The following GON7 variants were observed in gnomAD, a reference collection of about 807,000 sequenced individuals.
The protein encoded by GON7 is EKC/KEOPS complex subunit GON7.
GON7 carries 2 observed loss-of-function variants against 7.6 expected under a neutral mutation model. That is an observed-to-expected ratio of 0.26 (90% CI 0.11 to 0.83). GON7 has a LOEUF of 0.83. Among genes scored for constraint, GON7 ranks in the 40% least tolerant of loss-of-function variants. The pLI is 0.65. For missense variants in GON7, 121 were observed against 132.2 expected, an observed-to-expected ratio of 0.92 and a Z score of 0.42; for synonymous variants, 54 against 56.6, an observed-to-expected ratio of 0.95 and a Z score of 0.20.
rs911929164 is a variant in GON7, at chr14:93,203,041, A to G, written c.*647T>C. 5 of 152,352 alleles carry G rather than the reference A, an allele frequency of 3.3e-5. No individual in the cohort carries two copies. Among genetic ancestry groups the G allele is most frequent in the South Asian group, 2.1e-4 (1 of 4,828 alleles). 9.4% of individuals were successfully genotyped at this position (152,352 alleles called of 1,614,324 possible). On this transcript the variant is annotated 3_prime_UTR_variant, in exon 2 of 2. Transcript: ENST00000306954. The stretch of plus-strand genomic sequence containing the variant: ...TTATATTTGTACCTGTATAAATACC[A>G]TATCACAGCACAAAAACATACCCCA...
chr14:93,206,329 T>G (rs906675529), intron 1 of GON7, among the ~76,000 whole-genome samples: 1 of 148,760 alleles, frequency 6.7e-6, no homozygotes, highest in Non-Finnish European at 1.5e-5. Context: ...TTAATAAGAG[T>G]GTCTGCCTGT....
intron 1 of GON7, among the ~76,000 whole-genome samples, chr14:93,204,074 C>T (rs1894297129): frequency 6.6e-6 from 1 of 152,122 alleles, no homozygotes; most frequent in African/African-American, 2.4e-5. Flanking sequence ...CAGCTTACTG[C>T]AACCTCCGCC....
chr14:93,205,790 T>C (rs984343317), intron 1 of GON7, among the ~76,000 whole-genome samples: 5 of 152,224 alleles, frequency 3.3e-5, no homozygotes, highest in Non-Finnish European at 4.4e-5. Context: ...AGGGAGTCTC[T>C]GGGAGTTAAT....
chr14:93,205,213 C>T (rs1894316211), intron 1 of GON7, among the ~76,000 whole-genome samples: 1 of 152,210 alleles, frequency 6.6e-6, no homozygotes, highest in Admixed American at 6.5e-5. Context: ...CTTCACATTC[C>T]AGCCAACACT....
Position 93,206,985 on chromosome 14 carries a change from C to G in GON7, c.53G>C (p.Arg18Pro). Residue 18 changes from arginine to proline, a missense_variant, in exon 1 of 2, where the codon CGG (arginine) becomes CCG (proline). Transcript: ENST00000306954. ...GTCACCCGGCGCCTCACAGGACACC[C>G]GCAGCTTCTGCGGCTTCCCTTCCTG... ...VGQEGKPQKL[R>P]VSCEAPGDGD... is the part of the protein sequence containing the mutation. 6.2e-7 allele frequency: 1 copy of G among 1,614,184 alleles called. No homozygotes were observed.
intron 1 of GON7, among the ~76,000 whole-genome samples, chr14:93,204,941 C>T (rs907004568): frequency 4.6e-5 from 7 of 152,116 alleles, no homozygotes; most frequent in African/African-American, 1.7e-4. Flanking sequence ...TTCACATGAT[C>T]CTCCCACCTC....
chr14:93,203,621 T>C lies in GON7; in HGVS notation c.*67A>G. The stretch of plus-strand genomic sequence containing the variant: ...TTTTTCCAAATTAGAGCATAAGTCT[T>C]CCTTAAATGTCCTAGTGTGACAATA... On this transcript the variant is annotated 3_prime_UTR_variant, in exon 2 of 2. Coordinates refer to ENST00000306954, the MANE Select transcript of GON7 (RefSeq NM_032490.5). The C allele has an allele frequency of 7.5e-7, 1 of 1,331,628 alleles. No homozygotes were observed. Among genetic ancestry groups the C allele is most frequent in the South Asian group, 1.3e-5 (1 of 79,670 alleles). 82.5% of individuals were successfully genotyped at this position (1,331,628 alleles called of 1,614,324 possible).
intron 1 of GON7, among the ~76,000 whole-genome samples, chr14:93,205,241 A>G (rs573158750): frequency 5.9e-5 from 9 of 152,278 alleles, no homozygotes; most frequent in African/African-American, 2.2e-4. Context: ...GTTCTTTTTG[A>G]TTATAGCCAA....
chr14:93,207,039 G>A lies in GON7; in HGVS notation c.-2C>T, dbSNP rs774431032. 6.2e-6 allele frequency: 10 copies of A among 1,612,796 alleles called. No individual in the cohort carries two copies. The Middle Eastern group carries it at 7.7e-4, about 124-fold the overall frequency. ...GACGTACTCTCCCAGCAGCTCCATGGTGACCGCTAAGCTTCCAGAACACGA... is the reference window on the plus strand; with the variant it reads ...GACGTACTCTCCCAGCAGCTCCATGATGACCGCTAAGCTTCCAGAACACGA... On this transcript the variant is annotated 5_prime_UTR_variant, in exon 1 of 2. Transcript: ENST00000306954.
chr14:93,206,604 TG>T (rs1223576042), intron 1 of GON7, among the ~76,000 whole-genome samples: 1 of 152,056 alleles, frequency 6.6e-6, no homozygotes, highest in African/African-American at 2.4e-5. Context: ...CTGGCTGTTC[TG>T]GAACTCCTGA....
chr14:93,204,625 G>C (rs1894307613), intron 1 of GON7, among the ~76,000 whole-genome samples: 2 of 152,078 alleles, frequency 1.3e-5, no homozygotes, highest in South Asian at 4.1e-4. Context: ...TGCCTATTCT[G>C]TACATTCATA....
intron 1 of GON7, 130 bp from the exon 2 acceptor site, chr14:93,203,912 T>G: frequency 1.7e-6 from 1 of 598,492 alleles, no homozygotes; most frequent in Non-Finnish European, 2.8e-6. Flanking sequence ...TAGATTAAAA[T>G]GATTTTGAGA....
Position 93,203,581 on chromosome 14 carries a change from G to C in GON7, c.*107C>G. ...TCTCTTTGACAAAATTGTCCCAGGA[G>C]AACAACACAAATGCTTTTTCCAAAT... On this transcript the variant is annotated 3_prime_UTR_variant, in exon 2 of 2. Transcript: ENST00000306954. 1 of 906,916 alleles carries C rather than the reference G, an allele frequency of 1.1e-6. No homozygotes were observed. Among genetic ancestry groups the C allele is most frequent in the East Asian group, 2.5e-5 (1 of 39,740 alleles). 56.2% of individuals were successfully genotyped at this position (906,916 alleles called of 1,614,324 possible).
intron 1 of GON7, among the ~76,000 whole-genome samples, chr14:93,206,473 A>G (rs1566818254): frequency 1.3e-5 from 2 of 152,310 alleles, no homozygotes; most frequent in East Asian, 3.9e-4. Context: ...CGAAATAGCG[A>G]TGAGTTGTGG....
rs1003983879 is a variant in GON7, at chr14:93,203,063, C to T, written c.*625G>A. On this transcript the variant is annotated 3_prime_UTR_variant, in exon 2 of 2. Coordinates refer to ENST00000306954, the MANE Select transcript of GON7 (RefSeq NM_032490.5). ...ACCATATCACAGCACAAAAACATAC[C>T]CCATCTGGCTCTCTTAAGGTACATG... 9.9e-5 allele frequency: 15 copies of T among 152,010 alleles called. No homozygotes were observed. Among genetic ancestry groups the T allele is most frequent in the African/African-American group, 3.4e-4 (14 of 41,356 alleles). 9.4% of individuals were successfully genotyped at this position (152,010 alleles called of 1,614,324 possible). A position where few individuals can be genotyped will look rare whatever the true frequency, so the allele number is the denominator to read the frequency against.
In GON7 at chr14:93,203,427, C is replaced by A; in HGVS notation, c.*261G>T. 5.2e-6 allele frequency: 2 copies of A among 383,520 alleles called. No individual in the cohort carries two copies. Among genetic ancestry groups the A allele is most frequent in the Non-Finnish European group, 9.3e-6 (2 of 215,018 alleles). 23.8% of individuals were successfully genotyped at this position (383,520 alleles called of 1,614,324 possible). A position where few individuals can be genotyped will look rare whatever the true frequency, so the allele number is the denominator to read the frequency against. ...GAAAACAATGATAAAAATTCAGTTGCCAACTTAGAGGATTTTATACATTAT... is the reference window on the plus strand; with the variant it reads ...GAAAACAATGATAAAAATTCAGTTGACAACTTAGAGGATTTTATACATTAT... On this transcript the variant is annotated 3_prime_UTR_variant, in exon 2 of 2. Transcript: ENST00000306954.
chr14:93,206,165 C>T (rs976916073), intron 1 of GON7, among the ~76,000 whole-genome samples: 9 of 152,146 alleles, frequency 5.9e-5, no homozygotes, highest in South Asian at 2.1e-4. Context: ...AGCATGCCAC[C>T]ACGCCCAGCT....
Position 93,206,900 on chromosome 14 carries a change from T to A in GON7, c.138A>T (p.Glu46Asp), listed in dbSNP as rs770048637. ...GVAQMKDMVTELFDPLVQGEV... is the reference protein window; with the variant it reads ...GVAQMKDMVTDLFDPLVQGEV... ...CCCCCTGTACCAGAGGGTCGAATAA[T>A]TCCGTTACCATGTCCTTCATCTGGG... Residue 46 changes from glutamate to aspartate, a missense_variant, in exon 1 of 2, where the codon GAA becomes GAT. Transcript: ENST00000306954. 52 of 1,614,130 alleles carry A rather than the reference T, an allele frequency of 3.2e-5. 1 individual carries two copies. In the Middle Eastern group the frequency reaches 6.6e-4, roughly 20 times the overall value.
chr14:93,206,801 G>C, intron 1 of GON7, 29 bp downstream of exon 1: 1 of 1,592,616 alleles, frequency 6.3e-7, no homozygotes, highest in Non-Finnish European at 8.6e-7. Flanking sequence ...CCCGTCCTCC[G>C]GTCACTGCAG....
Sources: gnomAD v4.1 joint callset for allele counts (sites outside exome capture counted in the v4.1 genomes callset) on GRCh38, gnomAD v4.1.1 for gene constraint, MANE v1.5 for transcripts, NCBI Gene and HGNC (gene_info 2026-07-23, HGNC 2026-07-21) for gene names.